Variants in STS observed in about 807,000 individuals in gnomAD.
STS encodes the protein steroid sulfatase, also known as steryl-sulfatase.
Under a neutral mutation model 26.8 loss-of-function variants are expected in STS, and 7 were observed. The observed-to-expected ratio is 0.26, with a 90% CI of 0.15 to 0.49. The LOEUF (loss-of-function observed/expected upper bound fraction) is 0.49. Ranked by LOEUF, STS falls within the 20% of genes least tolerant of loss-of-function variation. The pLI is 0.98. For missense variants in STS, 434 were observed against 465.6 expected, an observed-to-expected ratio of 0.93 and a Z score of 0.63; for synonymous variants, 199 against 189.4, an observed-to-expected ratio of 1.05 and a Z score of -0.42.
intron 3 of STS, among the ~76,000 whole-genome samples, chrX:7,256,188 T>C (rs779827731): frequency 5.4e-5 from 6 of 112,026 alleles, no homozygotes; most frequent in Non-Finnish European, 1.1e-4. Context: ...GACGTGGATA[T>C]ATCTTGTGGG....
chrX:7,148,858 G>A (rs1473300452), intron 1 of STS, among the ~76,000 whole-genome samples: 1 of 112,251 alleles, frequency 8.9e-6, no homozygotes, highest in Non-Finnish European at 1.9e-5. Context: ...TGTCTTGCTG[G>A]TTGTGCCTTC....
At chrX:7,176,719 C>T (rs1933577315) in intron 1 of STS, among the ~76,000 whole-genome samples, 1 of 111,342 alleles carries the variant, frequency 9.0e-6, no homozygotes, top group Non-Finnish European at 1.9e-5. Flanking sequence ...ATAAAACCAT[C>T]AGATCTTGTG....
intron 8 of STS, among the ~76,000 whole-genome samples, chrX:7,319,978 G>T (rs7062823): frequency 0.34 from 27,412 of 81,755 alleles, 3,520 homozygotes; most frequent in African/African-American, 0.51. Flanking sequence ...TTATATATAT[G>T]TATATATATT....
In STS at chrX:7,325,365, G is replaced by T. The variant is rs1927377513; in HGVS notation, c.1108G>T (p.Gly370Cys). The T allele has an allele frequency of 1.7e-6, 2 of 1,209,488 alleles. No individual in the cohort carries two copies. Among genetic ancestry groups the T allele is most frequent in the African/African-American group, 1.8e-5 (1 of 57,018 alleles). Residue 370 changes from glycine (G) to cysteine (C), a missense_variant, in exon 9 of 11, where the codon GGT becomes TGT. Gly to Cys is a radical substitution (Grantham distance 159). This residue lies in a region of STS where 205 missense variants were observed against 177.3 expected (regional missense o/e 1.16). Coordinates refer to ENST00000674429, the MANE Select transcript of STS (RefSeq NM_001320752.2). ...AGGAAAAGCAAACAACTGGGAAGGA[G>T]GTATCCGGGTTCCAGGCATCCTTCG... is the stretch of plus-strand genomic sequence containing the variant. Reference protein sequence around the residue: ...KGGKANNWEGGIRVPGILRWP... With the variant: ...KGGKANNWEGCIRVPGILRWP...
intron 8 of STS, among the ~76,000 whole-genome samples, chrX:7,314,365 A>C (rs1192114031): frequency 9.0e-6 from 1 of 111,465 alleles, no homozygotes; most frequent in Admixed American, 9.5e-5. Flanking sequence ...TCAAAAAAAA[A>C]GTGTGAGCAA....
At chrX:7,305,661 G>A (rs1225080159) in intron 8 of STS, among the ~76,000 whole-genome samples, 1 of 111,642 alleles carries the variant, frequency 9.0e-6, no homozygotes, top group Non-Finnish European at 1.9e-5. Flanking sequence ...TCAGCTTCTG[G>A]GGACTTCCCA....
At chrX:7,159,047 C>T (rs781586514) in intron 1 of STS, among the ~76,000 whole-genome samples, 11 of 111,459 alleles carry the variant, frequency 9.9e-5, no homozygotes, top group South Asian at 3.8e-4. Flanking sequence ...CTACTGAGAG[C>T]CAGAGGCACA....
chrX:7,209,221 T>C (rs184829796), intron 2 of STS, among the ~76,000 whole-genome samples: 1 of 111,038 alleles, frequency 9.0e-6, no homozygotes, highest in Admixed American at 9.7e-5. Context: ...TTTTTACATG[T>C]AGGGGTGGTG....
chrX:7,343,775 G>C (rs1601764360), intron 10 of STS, among the ~76,000 whole-genome samples: 1 of 111,693 alleles, frequency 9.0e-6, no homozygotes, highest in Admixed American at 9.5e-5. Flanking sequence ...GCCCCTCCCG[G>C]GACTCCTCTG....
intron 7 of STS, among the ~76,000 whole-genome samples, chrX:7,283,739 CAGA>C (rs745574421): frequency 1.7e-4 from 19 of 111,405 alleles, no homozygotes; most frequent in Non-Finnish European, 2.6e-4. Context: ...TGATTAGCAA[CAGA>C]AGGACTGAAG....
At chrX:7,148,724 G>A (rs1380272160) in intron 1 of STS, among the ~76,000 whole-genome samples, 24 of 112,158 alleles carry the variant, frequency 2.1e-4, no homozygotes, top group African/African-American at 7.5e-4. Context: ...CCGCGCATGC[G>A]CAGTGTGCGG....
Position 7,191,022 on chromosome X carries a change from G to A in STS, c.-5+14G>A, listed in dbSNP as rs1183916621. On this transcript the variant is annotated intron_variant, in intron 2 of 10. Coordinates refer to ENST00000674429, the MANE Select transcript of STS (RefSeq NM_001320752.2). ...GCTGTTCATAGCGTAAGTATGAGAG[G>A]TGCATATGTTTGTATCTTCGCCCTG... 2.7e-6 allele frequency: 2 copies of A among 749,497 alleles called. No individual in the cohort carries two copies. Among genetic ancestry groups the A allele is most frequent in the Middle Eastern group, 7.5e-4 (1 of 1,339 alleles). The allele number at this position is 749,497 out of a possible 1,213,427, so 61.8% of individuals were successfully genotyped here.
At chrX:7,224,851 G>A (rs757536221) in intron 2 of STS, among the ~76,000 whole-genome samples, 1 of 112,423 alleles carries the variant, frequency 8.9e-6, no homozygotes, top group East Asian at 2.8e-4. Context: ...GAAGGTTGAT[G>A]TTTCCTACTT....
intron 10 of STS, among the ~76,000 whole-genome samples, chrX:7,337,783 C>T (rs1372375057): frequency 2.7e-5 from 3 of 111,728 alleles, no homozygotes; most frequent in Non-Finnish European, 5.6e-5. Context: ...GCCTTTCTCC[C>T]TCAGAGCCCT....
At chrX:7,349,647 A>G (rs1928697678) in intron 10 of STS, among the ~76,000 whole-genome samples, 2 of 110,966 alleles carry the variant, frequency 1.8e-5, no homozygotes, top group South Asian at 7.7e-4. Flanking sequence ...CTGGAAACTG[A>G]GAAAATAAAC....
chrX:7,314,405 G>C (rs1329315844), intron 8 of STS, among the ~76,000 whole-genome samples: 1 of 111,723 alleles, frequency 9.0e-6, no homozygotes, highest in African/African-American at 3.3e-5. Context: ...ATGGAGACTT[G>C]GTATCATGTC....
At chrX:7,192,704 A>G (rs1453110924) in intron 2 of STS, among the ~76,000 whole-genome samples, 1 of 112,333 alleles carries the variant, frequency 8.9e-6, no homozygotes, top group Non-Finnish European at 1.9e-5. Context: ...GCGGGCTTGC[A>G]GGGTGATTTA....
Position 7,325,444 on chromosome X carries a change from T to C in STS, c.1187T>C (p.Met396Thr), listed in dbSNP as rs374957090. The change falls in exon 9 of 11, where the codon ATG becomes ACG. Residue 396 changes from methionine (M) to threonine (T), a missense_variant. Met to Thr is a moderately conservative substitution (Grantham distance 81). Transcript: ENST00000674429. ...AAGATTGATGAGCCCACTAGCAACA[T>C]GGACATATTTCCTACAGTAGCCAAG... ...GQKIDEPTSN[M>T]DIFPTVAKLA... 4.9e-5 allele frequency: 59 copies of C among 1,211,358 alleles called. No individual in the cohort carries two copies. Among genetic ancestry groups the C allele is most frequent in the Non-Finnish European group, 6.0e-5 (54 of 895,336 alleles).
At chrX:7,154,653 C>T (rs1204878040) in intron 1 of STS, among the ~76,000 whole-genome samples, 1 of 111,913 alleles carries the variant, frequency 8.9e-6, no homozygotes, top group Non-Finnish European at 1.9e-5. Flanking sequence ...GGTCTTCCTT[C>T]CTCAAAAAGA....
Sources: allele counts gnomAD v4.1 joint callset (sites outside exome capture counted in the v4.1 genomes callset), GRCh38; gene constraint gnomAD v4.1.1; regional missense constraint gnomAD v4.1.1; transcripts MANE v1.5; gene names NCBI Gene and HGNC (gene_info 2026-07-23, HGNC 2026-07-21).